The following HDAC4 variants were observed in gnomAD, a reference collection of about 807,000 sequenced individuals.
HDAC4 encodes histone deacetylase 4.
HDAC4 carries 16 observed loss-of-function variants against 135.1 expected under a neutral mutation model. That is an observed-to-expected ratio of 0.12 (90% CI 0.08 to 0.18). The LOEUF (loss-of-function observed/expected upper bound fraction) is 0.18. Among genes scored for constraint, HDAC4 ranks in the 10% least tolerant of loss-of-function variants. The probability of loss-of-function intolerance (pLI) is 1.00; values close to 1 mark genes in which losing one functional copy is unlikely to be tolerated. For missense variants in HDAC4, 1,143 were observed against 1,511.8 expected (o/e 0.76, Z 4.05); for synonymous variants, 685 against 653.4 (o/e 1.05, Z -0.74).
At chr2:239,081,234 C>T (rs372732771) in intron 21 of HDAC4, 42 bp from the exon 22 acceptor site, 141 of 1,534,008 alleles carry the variant, frequency 9.2e-5, no homozygotes, top group Middle Eastern at 3.4e-4. Flanking sequence ...GGACCCCGAG[C>T]GGGACCTGTC....
chr2:239,088,058 C>T (rs13418508), intron 18 of HDAC4, among the ~76,000 whole-genome samples: 3,755 of 152,322 alleles, frequency 0.025, 156 homozygotes, highest in African/African-American at 0.082. Context: ...GACGTTGTGT[C>T]CCAGCTTGGC....
chr2:239,094,575 G>C (rs191226780), intron 17 of HDAC4: 2 of 1,111,304 alleles, frequency 1.8e-6, no homozygotes, highest in Admixed American at 8.9e-5. Flanking sequence ...CAGACTCCAC[G>C]TGGCCCATGA....
chr2:239,135,810 G>A (rs2040915059), intron 9 of HDAC4, among the ~76,000 whole-genome samples: 1 of 152,234 alleles, frequency 6.6e-6, no homozygotes, highest in Non-Finnish European at 1.5e-5. Flanking sequence ...TGCTCTGGGG[G>A]TTGGGAACGA....
chr2:239,224,090 C>T (rs2047114705), intron 3 of HDAC4, among the ~76,000 whole-genome samples: 1 of 152,162 alleles, frequency 6.6e-6, no homozygotes, highest in Non-Finnish European at 1.5e-5. Flanking sequence ...AGGGTCTGCT[C>T]CACCCACATT....
At chr2:239,340,337 A>G (rs1420780578) in intron 2 of HDAC4, among the ~76,000 whole-genome samples, 1 of 152,208 alleles carries the variant, frequency 6.6e-6, no homozygotes, top group South Asian at 2.1e-4. Context: ...ACCAAATCAC[A>G]GATAGATGTG....
intron 3 of HDAC4, among the ~76,000 whole-genome samples, chr2:239,215,454 A>G (rs558555124): frequency 9.9e-5 from 15 of 152,142 alleles, no homozygotes; most frequent in Non-Finnish European, 1.8e-4. Context: ...GCCCTCCCTC[A>G]TCTCACCTGA....
chr2:239,153,318 G>A (rs1017694789), intron 7 of HDAC4, among the ~76,000 whole-genome samples: 2 of 152,218 alleles, frequency 1.3e-5, no homozygotes, highest in Non-Finnish European at 2.9e-5. Context: ...TGTGTGCCGG[G>A]TCAGGATAAG....
chr2:239,378,100 A>G (rs1695151817), intron 1 of HDAC4, among the ~76,000 whole-genome samples: 1 of 152,168 alleles, frequency 6.6e-6, no homozygotes, highest in Non-Finnish European at 1.5e-5. Context: ...GGGGAATGCC[A>G]GCGGCAGGTG....
At chr2:239,392,325 G>C (rs574331265) in intron 1 of HDAC4, among the ~76,000 whole-genome samples, 1 of 152,388 alleles carries the variant, frequency 6.6e-6, no homozygotes, top group East Asian at 1.9e-4. Flanking sequence ...GACCTGGAGA[G>C]CCAAGGGGCG....
chr2:239,179,156 G>A lies in HDAC4; in HGVS notation c.340-2593C>T, dbSNP rs572214707. Among the ~76,000 whole-genome samples the A allele has an allele frequency of 1.4e-3, 211 of 152,270 alleles. 1 individual carries two copies. Among genetic ancestry groups the A allele is most frequent in the African/African-American group, 4.6e-3 (192 of 41,550 alleles). ...GAGGCATAGAGTGGGGTGTGCGTGCGAGGCAGCCACTGGATGCCTGTGCTC... is the reference window on the plus strand; with the variant it reads ...GAGGCATAGAGTGGGGTGTGCGTGCAAGGCAGCCACTGGATGCCTGTGCTC... On this transcript the variant is annotated intron_variant, in intron 4 of 26. Transcript: ENST00000543185.
intron 3 of HDAC4, among the ~76,000 whole-genome samples, chr2:239,195,386 G>A (rs1267242489): frequency 1.3e-5 from 2 of 152,218 alleles, no homozygotes; most frequent in African/African-American, 4.8e-5. Context: ...AGCGTTCACA[G>A]GGCAAGGAGA....
intron 1 of HDAC4, among the ~76,000 whole-genome samples, chr2:239,386,830 A>C (rs1179653862): frequency 1.3e-5 from 2 of 152,202 alleles, no homozygotes; most frequent in Non-Finnish European, 2.9e-5. Flanking sequence ...TGGAGAGAAG[A>C]GAAGCTGGGT....
intron 16 of HDAC4, among the ~76,000 whole-genome samples, chr2:239,099,597 T>C (rs1318388183): frequency 6.6e-6 from 1 of 152,222 alleles, no homozygotes; most frequent in Non-Finnish European, 1.5e-5. Context: ...ATGCATGGCC[T>C]TTGTCCACCC....
chr2:239,298,715 G>C lies in HDAC4; in HGVS notation c.22+53963C>G, dbSNP rs978361098. On this transcript the variant is annotated intron_variant, in intron 2 of 26. Transcript: ENST00000543185. ...GGAAATCATGACACTCCACCTACAGGGGCTAGGCTAGAAAGGCATTTAATC... is the reference window on the plus strand; with the variant it reads ...GGAAATCATGACACTCCACCTACAGCGGCTAGGCTAGAAAGGCATTTAATC... 4.6e-6 allele frequency: 3 copies of C among 650,906 alleles called. No individual in the cohort carries two copies. The African/African-American group carries it at 5.9e-5, about 13-fold the overall frequency. 40.3% of individuals were successfully genotyped at this position (650,906 alleles called of 1,614,324 possible).
intron 3 of HDAC4, among the ~76,000 whole-genome samples, chr2:239,197,624 T>C (rs2045477940): frequency 6.6e-6 from 1 of 152,216 alleles, no homozygotes; most frequent in South Asian, 2.1e-4. Context: ...TGTCTTTGTC[T>C]TACACGCTTC....
intron 3 of HDAC4, among the ~76,000 whole-genome samples, chr2:239,224,336 C>T (rs376414050): frequency 6.6e-6 from 1 of 152,240 alleles, no homozygotes; most frequent in East Asian, 1.9e-4. Flanking sequence ...CCTCCGATGC[C>T]TGTCCCACGT....
At chr2:239,354,196 G>C (rs1293252093) in intron 1 of HDAC4, among the ~76,000 whole-genome samples, 1 of 152,152 alleles carries the variant, frequency 6.6e-6, no homozygotes, top group Non-Finnish European at 1.5e-5. Context: ...TGATATTACA[G>C]CCAGGCATTT....
At chr2:239,055,148 T>C in intron 24 of HDAC4, 1 of 355,612 alleles carries the variant, frequency 2.8e-6, no homozygotes, top group Middle Eastern at 9.5e-4. Context: ...GCCACAGGGT[T>C]CCATGAGGGG....
At position 239,087,548 on chromosome 2, in the gene HDAC4, C is replaced by T. The variant is rs367826714; in HGVS notation, c.2444+11G>A. ...GTTCCCCTGCTGTGCGGGGCTGCGG[C>T]GTGTACTCACATGGGCGTGCTCTCC... On this transcript the variant is annotated intron_variant, in intron 19 of 26. Coordinates refer to ENST00000543185, the MANE Select transcript of HDAC4 (RefSeq NM_001378414.1). 13 of 1,612,582 alleles carry T rather than the reference C, an allele frequency of 8.1e-6. No homozygotes were observed. The highest frequency in any genetic ancestry group is 6.6e-5 in the South Asian group (6 of 90,638).
Sources: gnomAD v4.1 joint callset for allele counts (sites outside exome capture counted in the v4.1 genomes callset) on GRCh38, gnomAD v4.1.1 for gene constraint, MANE v1.5 for transcripts, NCBI Gene and HGNC (gene_info 2026-07-23, HGNC 2026-07-21) for gene names.